Variants in MYT1L observed in about 807,000 individuals in gnomAD.
MYT1L encodes the protein myelin transcription factor 1-like protein.
Under a neutral mutation model 126.7 loss-of-function variants are expected in MYT1L, and 12 were observed. That is an observed-to-expected ratio of 0.09 (90% CI 0.06 to 0.15). MYT1L has a LOEUF of 0.15. Among genes scored for constraint, MYT1L ranks in the 10% least tolerant of loss-of-function variants. The pLI is 1.00. For synonymous variants in MYT1L, 541 were observed against 604.2 expected, an observed-to-expected ratio of 0.90 and a Z score of 1.53; for missense variants, 979 against 1,585.2, an observed-to-expected ratio of 0.62 and a Z score of 6.49.
chr2:2,178,883 A>G (rs2091113827), intron 2 of MYT1L, among the ~76,000 whole-genome samples: 1 of 152,176 alleles, frequency 6.6e-6, no homozygotes, highest in South Asian at 2.1e-4. Context: ...TCTCCAACAA[A>G]GTGAAAAGTA....
At chr2:2,270,872 C>T (rs984332503) in intron 2 of MYT1L, among the ~76,000 whole-genome samples, 1 of 151,578 alleles carries the variant, frequency 6.6e-6, no homozygotes, top group African/African-American at 2.4e-5. Context: ...TCATCATGAC[C>T]TTCCTCTTTA....
At chr2:1,934,625 C>G (rs1032982022) in intron 9 of MYT1L, among the ~76,000 whole-genome samples, 5 of 151,952 alleles carry the variant, frequency 3.3e-5, no homozygotes, top group African/African-American at 1.2e-4. Flanking sequence ...CAGATAGAGA[C>G]AGACTGAAAC....
intron 3 of MYT1L, among the ~76,000 whole-genome samples, chr2:2,169,518 G>A (rs555536340): frequency 8.5e-5 from 13 of 152,262 alleles, no homozygotes; most frequent in East Asian, 7.7e-4. Context: ...CTACGGCATC[G>A]TTAACATCTT....
chr2:1,802,603 C>A (rs1304392046), intron 22 of MYT1L, among the ~76,000 whole-genome samples: 1 of 152,214 alleles, frequency 6.6e-6, no homozygotes, highest in East Asian at 1.9e-4. Context: ...CTGCCGAGGT[C>A]CCTGGGGCAC....
intron 3 of MYT1L, among the ~76,000 whole-genome samples, chr2:2,161,043 C>T (rs1223928421): frequency 2.0e-5 from 3 of 151,966 alleles, no homozygotes; most frequent in African/African-American, 7.2e-5. Context: ...GTGGTGAAAC[C>T]CCATCTCTAC....
In MYT1L at chr2:1,910,506, G is replaced by A. The variant is rs752090647; in HGVS notation, c.1710-159C>T. Among the ~76,000 whole-genome samples the A allele has an allele frequency of 3.3e-5, 5 of 152,196 alleles. No individual in the cohort carries two copies. The highest frequency in any genetic ancestry group is 1.2e-4 in the African/African-American group (5 of 41,444). On this transcript the variant is annotated intron_variant, in intron 12 of 24. Transcript: ENST00000647738. This position sits in a 1 kb window ranked among gnomAD's most constrained non-coding sequence, Gnocchi z 4.8. ...CAGTCCTGATGGGTGGACTGGGAGA[G>A]GGGGAGGTAGTCATGTTTCCAGGTG...
chr2:2,043,347 A>G (rs1004758754), intron 4 of MYT1L, among the ~76,000 whole-genome samples: 2 of 152,138 alleles, frequency 1.3e-5, no homozygotes, highest in African/African-American at 4.8e-5. Context: ...TTACAATGGG[A>G]ATGCCATGAA....
At position 1,931,380 on chromosome 2, in the gene MYT1L, C is replaced by T. The variant is rs550287275; in HGVS notation, c.506-8117G>A. Among the ~76,000 whole-genome samples the T allele has an allele frequency of 1.7e-3, 250 of 150,072 alleles. 1 individual carries two copies. The highest frequency in any genetic ancestry group is 5.7e-3 in the African/African-American group (234 of 40,782). ...TTGCAAGTACTTCCTCCACCCTCAG[C>T]GATGCCCACGTCTGCTGCGCCTTGC... On this transcript the variant is annotated intron_variant, in intron 9 of 24. Coordinates refer to ENST00000647738, the MANE Select transcript of MYT1L (RefSeq NM_001303052.2).
chr2:2,089,830 G>A (rs545595730), intron 3 of MYT1L, among the ~76,000 whole-genome samples: 1 of 152,120 alleles, frequency 6.6e-6, no homozygotes, highest in East Asian at 1.9e-4. Flanking sequence ...CTCCTCCACT[G>A]ATTCATTAAA....
chr2:1,813,171 C>G (rs995154375), intron 21 of MYT1L, among the ~76,000 whole-genome samples: 1 of 152,218 alleles, frequency 6.6e-6, no homozygotes, highest in Non-Finnish European at 1.5e-5. Flanking sequence ...GGGCCAGGAG[C>G]TGCAGGTGGG....
intron 3 of MYT1L, among the ~76,000 whole-genome samples, chr2:2,074,616 C>T (rs905897501): frequency 2.0e-5 from 3 of 152,052 alleles, no homozygotes; most frequent in African/African-American, 7.3e-5. Context: ...AAATGAAATA[C>T]GGTGTCAATA....
At chr2:2,231,405 G>A (rs774787905) in intron 2 of MYT1L, among the ~76,000 whole-genome samples, 4 of 152,060 alleles carry the variant, frequency 2.6e-5, no homozygotes, top group African/African-American at 4.8e-5. Flanking sequence ...GATTTTCAAG[G>A]CTCGTTAGGC....
intron 9 of MYT1L, among the ~76,000 whole-genome samples, chr2:1,926,038 G>A (rs138641467): frequency 1.3e-5 from 2 of 152,272 alleles, no homozygotes; most frequent in East Asian, 1.9e-4. Context: ...AAGCATATTG[G>A]CATCTGAGCA....
Position 2,185,945 on chromosome 2 carries a change from G to A in MYT1L, c.-420-12957C>T, listed in dbSNP as rs1418834465. On this transcript the variant is annotated intron_variant, in intron 2 of 24. Transcript: ENST00000647738. The stretch of plus-strand genomic sequence containing the variant: ...CCCGCGTTCCTTCTGTGAGGCGGAC[G>A]CAGCCGGGCCTCCCAGACGTCCGCG... Among the ~76,000 whole-genome samples, 10 of 119,406 alleles carry A rather than the reference G, an allele frequency of 8.4e-5. 2 individuals are homozygous for A. In the East Asian group the frequency reaches 2.6e-3, roughly 31 times the overall value. 78.3% of individuals were successfully genotyped at this position (119,406 alleles called of 152,430 possible).
intron 3 of MYT1L, among the ~76,000 whole-genome samples, chr2:2,056,529 G>T (rs1383366167): frequency 1.1e-4 from 17 of 152,212 alleles, no homozygotes; most frequent in Admixed American, 1.1e-3. Flanking sequence ...CAACTACAGT[G>T]TGCTTTTAAC....
At chr2:2,182,501 AC>A (rs1014052771) in intron 2 of MYT1L, among the ~76,000 whole-genome samples, 1 of 151,698 alleles carries the variant, frequency 6.6e-6, no homozygotes, top group Non-Finnish European at 1.5e-5. Context: ...ACACCCATGT[AC>A]CCCCCACACT....
chr2:1,950,654 C>G (rs1008290268), intron 8 of MYT1L, among the ~76,000 whole-genome samples: 11 of 152,264 alleles, frequency 7.2e-5, no homozygotes, highest in African/African-American at 1.9e-4. Flanking sequence ...TGCAGAGAGA[C>G]AGAGGGACCC....
At chr2:1,820,972 A>G (rs983598311) in intron 21 of MYT1L, among the ~76,000 whole-genome samples, 1 of 152,286 alleles carries the variant, frequency 6.6e-6, no homozygotes, top group Non-Finnish European at 1.5e-5. Flanking sequence ...GTGGAATGGA[A>G]CTTCTCCTGA....
chr2:2,102,455 C>A (rs1208167748), intron 3 of MYT1L, among the ~76,000 whole-genome samples: 2 of 152,116 alleles, frequency 1.3e-5, no homozygotes, highest in Non-Finnish European at 2.9e-5. Context: ...CTGCCGAATT[C>A]CAAGCCCTCT....
Sources: gnomAD v4.1 joint callset for allele counts (sites outside exome capture counted in the v4.1 genomes callset) on GRCh38, gnomAD v4.1.1 for gene constraint, Gnocchi (gnomAD v3.1) non-coding constraint, MANE v1.5 for transcripts, NCBI Gene and HGNC (gene_info 2026-07-23, HGNC 2026-07-21) for gene names.